GRM8: variants seen among roughly 807,000 people sequenced by gnomAD.
GRM8 encodes glutamate metabotropic receptor 8.
Under a neutral mutation model 87.2 loss-of-function variants are expected in GRM8, and 47 were observed. The ratio of observed to expected loss-of-function variants is 0.54; its 90% CI spans 0.43 to 0.69. The LOEUF (loss-of-function observed/expected upper bound fraction) is 0.69. GRM8 is among the 30% of genes least tolerant of loss of function. The probability of loss-of-function intolerance (pLI) is 0.00; values close to 1 mark genes in which losing one functional copy is unlikely to be tolerated. For synonymous variants in GRM8, 396 were observed against 404.5 expected, an observed-to-expected ratio of 0.98 and a Z score of 0.25; for missense variants, 1,019 against 1,139.2, an observed-to-expected ratio of 0.89 and a Z score of 1.52.
intron 2 of GRM8, among the ~76,000 whole-genome samples, chr7:127,168,679 T>TA (rs1284584597): frequency 6.6e-6 from 1 of 152,064 alleles, no homozygotes; most frequent in African/African-American, 2.4e-5. Flanking sequence ...TATAGAGCCA[T>TA]AAAAAAGTGT....
At chr7:127,052,819 G>A (rs1442821944) in intron 3 of GRM8, among the ~76,000 whole-genome samples, 1 of 152,030 alleles carries the variant, frequency 6.6e-6, no homozygotes, top group African/African-American at 2.4e-5. Context: ...CTCAAGTTAC[G>A]ACTTACATAG....
chr7:126,738,427 A>C (rs899144387), intron 7 of GRM8, among the ~76,000 whole-genome samples: 1 of 152,122 alleles, frequency 6.6e-6, no homozygotes, highest in Admixed American at 6.6e-5. Flanking sequence ...AAATACTGAA[A>C]GCAAGTTTAG....
intron 2 of GRM8, among the ~76,000 whole-genome samples, chr7:127,178,767 T>C (rs936859053): frequency 6.6e-6 from 1 of 152,192 alleles, no homozygotes; most frequent in African/African-American, 2.4e-5. Flanking sequence ...AAAGATACTG[T>C]TGTTTTCAGA....
At chr7:126,535,574 T>C (rs1241012139) in intron 8 of GRM8, among the ~76,000 whole-genome samples, 1 of 152,190 alleles carries the variant, frequency 6.6e-6, no homozygotes, top group Non-Finnish European at 1.5e-5. Flanking sequence ...TTCAATTGCA[T>C]GCAGAGTAAG....
At chr7:126,762,742 A>G (rs909346824) in intron 7 of GRM8, among the ~76,000 whole-genome samples, 2 of 151,928 alleles carry the variant, frequency 1.3e-5, no homozygotes, top group African/African-American at 4.8e-5. Flanking sequence ...TGAAATTGTG[A>G]TTTGTTTTTT....
chr7:126,500,982 C>G (rs956198237), intron 9 of GRM8, among the ~76,000 whole-genome samples: 1 of 151,976 alleles, frequency 6.6e-6, no homozygotes, highest in African/African-American at 2.4e-5. Context: ...CCTTTATAAA[C>G]TATTTTAGAA....
chr7:126,797,867 C>G (rs1264531768), intron 6 of GRM8, among the ~76,000 whole-genome samples: 1 of 152,074 alleles, frequency 6.6e-6, no homozygotes, highest in Non-Finnish European at 1.5e-5. Context: ...TTGTCTGGCT[C>G]AAGCCCAATA....
chr7:126,952,142 A>T (rs1563348463), intron 3 of GRM8, among the ~76,000 whole-genome samples: 1 of 152,040 alleles, frequency 6.6e-6, no homozygotes, highest in African/African-American at 2.4e-5. Flanking sequence ...AGTGTTCAAA[A>T]AAATAAATAA....
At chr7:126,570,110 A>C (rs746308237) in intron 8 of GRM8, among the ~76,000 whole-genome samples, 3 of 152,178 alleles carry the variant, frequency 2.0e-5, no homozygotes, top group African/African-American at 4.8e-5. Flanking sequence ...TTCTTAAACT[A>C]ACTTGATATT....
At chr7:126,840,627 T>C (rs1263049623) in intron 6 of GRM8, among the ~76,000 whole-genome samples, 1 of 152,224 alleles carries the variant, frequency 6.6e-6, no homozygotes, top group Non-Finnish European at 1.5e-5. Flanking sequence ...TGTATTTTTT[T>C]ATTGTGCAAA....
chr7:126,465,584 C>G (rs1487785467), intron 9 of GRM8, among the ~76,000 whole-genome samples: 1 of 151,474 alleles, frequency 6.6e-6, no homozygotes, highest in Admixed American at 6.6e-5. Context: ...GATATTTATG[C>G]TGTTGTAAAT....
chr7:127,055,793 G>A (rs575955145), intron 3 of GRM8, among the ~76,000 whole-genome samples: 1 of 151,182 alleles, frequency 6.6e-6, no homozygotes, highest in Non-Finnish European at 1.5e-5. Flanking sequence ...ATAGGATCAA[G>A]GTTTGCTATC....
chr7:126,951,708 A>G (rs930408925), intron 3 of GRM8, among the ~76,000 whole-genome samples: 14 of 152,048 alleles, frequency 9.2e-5, no homozygotes, highest in African/African-American at 3.4e-4. Context: ...TCAAACAAAG[A>G]AGTAAACATA....
rs1585602230 is a variant in GRM8, at chr7:126,706,348, C to T, written c.1357+63517G>A. ...TTGGCCAGCTGGAGACCCAGGAGTG[C>T]TAATGGTCTAGTTCCTGTCCAAAGG... On this transcript the variant is annotated intron_variant, in intron 7 of 10. Transcript: ENST00000339582. Among the ~76,000 whole-genome samples the T allele has an allele frequency of 5.9e-5, 9 of 152,150 alleles. 2 individuals are homozygous for T. The highest frequency in any genetic ancestry group is 5.9e-4 in the Admixed American group (9 of 15,260).
intron 3 of GRM8, among the ~76,000 whole-genome samples, chr7:127,053,011 G>GT (rs112433592): frequency 0.08 from 12,128 of 152,130 alleles, 522 homozygotes; most frequent in South Asian, 0.13. Context: ...CCATCAATAT[G>GT]TATTTTTAAG....
chr7:127,099,876 GTAGT>G (rs370572670), intron 3 of GRM8, among the ~76,000 whole-genome samples: 9 of 152,162 alleles, frequency 5.9e-5, no homozygotes, highest in African/African-American at 2.2e-4. Flanking sequence ...CATTGCAAAT[GTAGT>G]TAGTTAAGAT....
At chr7:127,237,375 G>A (rs1798038154) in intron 2 of GRM8, among the ~76,000 whole-genome samples, 1 of 152,142 alleles carries the variant, frequency 6.6e-6, no homozygotes. Flanking sequence ...GCCCGGATAT[G>A]GCAGATTTAC....
intron 3 of GRM8, among the ~76,000 whole-genome samples, chr7:126,917,066 C>G (rs540194021): frequency 4.2e-4 from 64 of 152,180 alleles, no homozygotes; most frequent in Non-Finnish European, 8.1e-4. Flanking sequence ...CTAACATTTT[C>G]TTGGGCTCCA....
At chr7:127,112,655 C>T (rs556985502) in intron 2 of GRM8, among the ~76,000 whole-genome samples, 1 of 152,306 alleles carries the variant, frequency 6.6e-6, no homozygotes, top group East Asian at 1.9e-4. Context: ...TGTTCAGCTG[C>T]AAAACTTCTG....
Sources: allele counts gnomAD v4.1 joint callset (sites outside exome capture counted in the v4.1 genomes callset), GRCh38; gene constraint gnomAD v4.1.1; transcripts MANE v1.5; gene names NCBI Gene and HGNC (gene_info 2026-07-23, HGNC 2026-07-21).